Variants in STK25 observed in about 807,000 individuals in gnomAD.
STK25 encodes serine/threonine kinase 25.
A neutral mutation model predicts 53.8 loss-of-function variants in STK25; 29 were observed. That is an observed-to-expected ratio of 0.54 (90% CI 0.40 to 0.74). STK25 has a LOEUF of 0.74. Ranked by LOEUF, STK25 falls within the 30% of genes least tolerant of loss-of-function variation. The probability of loss-of-function intolerance (pLI) is 0.00; values close to 1 mark genes in which losing one functional copy is unlikely to be tolerated. For missense variants in STK25, 420 were observed against 568.0 expected (o/e 0.74, Z 2.65); for synonymous variants, 247 against 238.3 (o/e 1.04, Z -0.33).
chr2:241,500,194 T>C lies in STK25; in HGVS notation c.406A>G (p.Lys136Glu), dbSNP rs757792673. ...KGLDYLHSER[K>E]IHRDIKAANV... is the part of the protein sequence containing the mutation. Reference sequence around the variant, plus strand: ...GGACCTTTGATGTCTCGGTGGATCTTGCGTTCGGAGTGCAGATAATCCAGG... The same window carrying C: ...GGACCTTTGATGTCTCGGTGGATCTCGCGTTCGGAGTGCAGATAATCCAGG... Residue 136 changes from lysine to glutamate, a missense_variant, in exon 5 of 12, where the codon AAG (lysine) becomes GAG (glutamate). Coordinates refer to ENST00000316586, the MANE Select transcript of STK25 (RefSeq NM_001271977.2). 2 of 1,612,210 alleles carry C rather than the reference T, an allele frequency of 1.2e-6. No individual in the cohort carries two copies. The highest frequency in any genetic ancestry group is 1.7e-6 in the Non-Finnish European group (2 of 1,179,358).
chr2:241,495,242 C>T lies in STK25; in HGVS notation c.*420G>A, dbSNP rs1332517254. The T allele has an allele frequency of 1.7e-5, 3 of 176,690 alleles. No individual in the cohort carries two copies. The highest frequency in any genetic ancestry group is 3.6e-5 in the Non-Finnish European group (3 of 83,968). 10.9% of individuals were successfully genotyped at this position (176,690 alleles called of 1,614,324 possible). A position where few individuals can be genotyped will look rare whatever the true frequency, so the allele number is the denominator to read the frequency against. On this transcript the variant is annotated 3_prime_UTR_variant, in exon 12 of 12. Transcript: ENST00000316586. ...CCCCGGGAGGACAGCGGCCAGGACA[C>T]TCCTCTGGGGGCTGCCCTGTTGCCT...
Position 241,493,094 on chromosome 2 carries a change from C to A in STK25, c.*2568G>T. 2 of 1,145,226 alleles carry A rather than the reference C, an allele frequency of 1.7e-6. No homozygotes were observed. The highest frequency in any genetic ancestry group is 2.7e-6 in the Non-Finnish European group (2 of 753,276). The allele number at this position is 1,145,226 out of a possible 1,614,324, so 70.9% of individuals were successfully genotyped here. On this transcript the variant is annotated 3_prime_UTR_variant, in exon 12 of 12. Coordinates refer to ENST00000316586, the MANE Select transcript of STK25 (RefSeq NM_001271977.2). ...GATGCTAGCAGACAGACACTTAACC[C>A]TGCTCACCTGTGTCCCTTTTGTATT...
chr2:241,497,433 T>G (rs1196776809), intron 10 of STK25, 183 bp downstream of exon 10: 2 of 618,656 alleles, frequency 3.2e-6, no homozygotes, highest in Non-Finnish European at 2.9e-6. Flanking sequence ...GGTCTGGGAG[T>G]ACAAAAGGAG....
chr2:241,498,665 C>T lies in STK25; in HGVS notation c.891G>A (p.Glu297=). ...YKRWKSEGHG[E]ESSSEDSDID... is the part of the protein sequence containing the mutation. Reference sequence around the variant, plus strand: ...TGTCAGAGTCCTCAGAGCTGGACTCCTCGCCATGCCCCTCTGACTTCCAGC... The same window carrying T: ...TGTCAGAGTCCTCAGAGCTGGACTCTTCGCCATGCCCCTCTGACTTCCAGC... The change falls in exon 8 of 12, where the codon GAG becomes GAA. Residue 297 remains glutamate, a synonymous_variant. Transcript: ENST00000316586. The T allele has an allele frequency of 1.2e-6, 2 of 1,613,988 alleles. No homozygotes were observed. The highest frequency in any genetic ancestry group is 1.3e-5 in the African/African-American group (1 of 75,072).
At chr2:241,502,634 G>C (rs1352680136) in intron 2 of STK25, among the ~76,000 whole-genome samples, 1 of 152,010 alleles carries the variant, frequency 6.6e-6, no homozygotes, top group East Asian at 1.9e-4. Context: ...AGCTACTTGA[G>C]AGTCCAAGAC....
chr2:241,497,749 A>C, intron 9 of STK25, 62 bp from the exon 10 acceptor site: 5 of 1,481,264 alleles, frequency 3.4e-6, no homozygotes, highest in Non-Finnish European at 4.7e-6. Context: ...GGGCACTCCC[A>C]TCCCTGCCCA....
At chr2:241,498,425 G>A (rs747255881) in intron 8 of STK25, 76 bp from the exon 9 acceptor site, 28 of 1,393,922 alleles carry the variant, frequency 2.0e-5, no homozygotes, top group Admixed American at 2.0e-4. Flanking sequence ...CACACCTCAC[G>A]GCCAAGGGAA....
intron 9 of STK25, 57 bp from the exon 10 acceptor site, chr2:241,497,744 C>G: frequency 1.3e-6 from 2 of 1,503,972 alleles, no homozygotes; most frequent in Non-Finnish European, 1.8e-6. Context: ...AGGCAGGGCA[C>G]TCCCATCCCT....
Position 241,501,742 on chromosome 2 carries a change from G to A in STK25, c.31-34C>T. 6.4e-7 allele frequency: 1 copy of A among 1,563,326 alleles called. No individual in the cohort carries two copies. The highest frequency in any genetic ancestry group is 8.8e-7 in the Non-Finnish European group (1 of 1,140,200). On this transcript the variant is annotated intron_variant, in intron 2 of 11. Transcript: ENST00000316586. This position sits in a 1 kb window ranked among gnomAD's most constrained non-coding sequence, Gnocchi z 5.3. ...CCAGGGCGGGGACAGAGGGCAGACA[G>A]CGCCGGTCACAAGAGGCGGGGGACA...
rs543277336 is a variant in STK25, at chr2:241,495,643, A to G, written c.*19T>C. ...AAAAACAAACGACCTTCCGTCCCCT[A>G]TCTGAACAGCAGTGCGCTTCAGCGG... On this transcript the variant is annotated 3_prime_UTR_variant, in exon 12 of 12. Coordinates refer to ENST00000316586, the MANE Select transcript of STK25 (RefSeq NM_001271977.2). The G allele has an allele frequency of 4.3e-6, 7 of 1,614,046 alleles. 1 individual carries two copies. The highest frequency in any genetic ancestry group is 3.3e-5 in the Admixed American group (2 of 60,030).
Position 241,499,109 on chromosome 2 carries a change from G to T in STK25, c.651C>A (p.Asp217Glu), listed in dbSNP as rs55762981. ...ELAKGEPPNS[D>E]LHPMRVLFLI... ...GGAACAGGACGCGCATGGGGTGGAG[G>T]TCAGAGTTTGGAGGCTCCCCCTTGG... Residue 217 changes from aspartate to glutamate, a missense_variant, in exon 7 of 12, where the codon GAC becomes GAA. Asp to Glu is a conservative substitution (Grantham distance 45). Transcript: ENST00000316586. 1 of 1,614,068 alleles carries T rather than the reference G, an allele frequency of 6.2e-7. No homozygotes were observed. Among genetic ancestry groups the T allele is most frequent in the South Asian group, 1.1e-5 (1 of 91,086 alleles).
At chr2:241,500,426 C>G (rs959692278) in intron 4 of STK25, 145 bp from the exon 5 acceptor site, 6 of 642,682 alleles carry the variant, frequency 9.3e-6, no homozygotes, top group African/African-American at 3.7e-5. Flanking sequence ...AACTAAGTTT[C>G]AGATGGGAGT....
chr2:241,506,828 A>G (rs2065858864), intron 2 of STK25, among the ~76,000 whole-genome samples: 1 of 152,236 alleles, frequency 6.6e-6, no homozygotes, highest in Non-Finnish European at 1.5e-5. Context: ...CACCTTAGTC[A>G]TGTAAGTTAC....
upstream of STK25, chr2:241,509,457 C>T (rs2066037970): frequency 6.6e-6 from 1 of 152,402 alleles, no homozygotes; most frequent in African/African-American, 2.4e-5. Flanking sequence ...GGGATCCCCA[C>T]CTGTCCGGTG....
At position 241,499,275 on chromosome 2, in the gene STK25, C is replaced by A; in HGVS notation, c.567G>T (p.Gln189His). 6.2e-7 allele frequency: 1 copy of A among 1,614,042 alleles called. No homozygotes were observed. The highest frequency in any genetic ancestry group is 8.5e-7 in the Non-Finnish European group (1 of 1,180,014). ...PFWMAPEVIK[Q>H]SAYDFKADIW... ...CACCCACCTTGAAGTCGTAGGCCGA[C>A]TGCTTGATGACCTCAGGTGCCATCC... Residue 189 changes from glutamine to histidine, a missense_variant, in exon 6 of 12, where the codon CAG (glutamine) becomes CAT (histidine). By Grantham distance (24) the Gln-to-His change is conservative. Coordinates refer to ENST00000316586, the MANE Select transcript of STK25 (RefSeq NM_001271977.2).
Position 241,498,218 on chromosome 2 carries a change from C to T in STK25, c.1032+17G>A. Reference sequence around the variant, plus strand: ...CCCAGGGGTGCACAGAGGGCAAAGGCCAGGCCAGGAACAGACCTTCTGTGA... The same window carrying T: ...CCCAGGGGTGCACAGAGGGCAAAGGTCAGGCCAGGAACAGACCTTCTGTGA... On this transcript the variant is annotated intron_variant, in intron 9 of 11. Coordinates refer to ENST00000316586, the MANE Select transcript of STK25 (RefSeq NM_001271977.2). 2 of 1,610,532 alleles carry T rather than the reference C, an allele frequency of 1.2e-6. No individual in the cohort carries two copies. The highest frequency in any genetic ancestry group is 1.1e-5 in the South Asian group (1 of 91,000).
In STK25 at chr2:241,493,759, G is replaced by C; in HGVS notation, c.*1903C>G. 2.1e-6 allele frequency: 1 copy of C among 465,170 alleles called. No individual in the cohort carries two copies. Among genetic ancestry groups the C allele is most frequent in the Non-Finnish European group, 3.8e-6 (1 of 262,300 alleles). 28.8% of individuals were successfully genotyped at this position (465,170 alleles called of 1,614,324 possible). A position where few individuals can be genotyped will look rare whatever the true frequency, so the allele number is the denominator to read the frequency against. ...ACAGGCATGCACGCCACGCCGCCTG[G>C]CTAATTTTTGTATTTTTAGTAGAGA... On this transcript the variant is annotated 3_prime_UTR_variant, in exon 12 of 12. Coordinates refer to ENST00000316586, the MANE Select transcript of STK25 (RefSeq NM_001271977.2).
Position 241,496,303 on chromosome 2 carries a change from T to C in STK25, c.1241+95A>G, listed in dbSNP as rs1001900399. 47 of 1,470,914 alleles carry C rather than the reference T, an allele frequency of 3.2e-5. No homozygotes were observed. In the African/African-American group the frequency reaches 6.1e-4, roughly 19 times the overall value. The allele number at this position is 1,470,914 out of a possible 1,614,324, so 91.1% of individuals were successfully genotyped here. A position where few individuals can be genotyped will look rare whatever the true frequency, so the allele number is the denominator to read the frequency against. The stretch of plus-strand genomic sequence containing the variant: ...TGAAGCGAGCCCATGTAGTGCCAAA[T>C]GCAGCCACACCCACGAGTGAGCACT... On this transcript the variant is annotated intron_variant, in intron 11 of 11. Transcript: ENST00000316586. This position sits in a 1 kb window ranked among gnomAD's most constrained non-coding sequence, Gnocchi z 5.8.
intron 4 of STK25, 56 bp downstream of exon 4, chr2:241,500,684 A>T: frequency 6.4e-7 from 1 of 1,568,612 alleles, no homozygotes; most frequent in Non-Finnish European, 8.7e-7. Context: ...CATGAGTCTG[A>T]GGGGCAGGGG....
Sources: gnomAD v4.1 joint callset for allele counts (sites outside exome capture counted in the v4.1 genomes callset) on GRCh38, gnomAD v4.1.1 for gene constraint, Gnocchi (gnomAD v3.1) non-coding constraint, MANE v1.5 for transcripts, NCBI Gene and HGNC (gene_info 2026-07-23, HGNC 2026-07-21) for gene names.